Variants in RANBP17 observed in about 807,000 individuals in gnomAD.
RANBP17 encodes the protein ran-binding protein 17.
A neutral mutation model predicts 141.2 loss-of-function variants in RANBP17; 158 were observed. The observed-to-expected ratio is 1.12, with a 90% confidence interval of 0.98 to 1.28. RANBP17 has a LOEUF of 1.28. RANBP17 is among the 50% of genes most tolerant of loss of function. The pLI is 0.00. For synonymous variants in RANBP17, 430 were observed against 450.0 expected (o/e 0.96, Z 0.56); for missense variants, 1,438 against 1,290.7 (o/e 1.11, Z -1.75).
chr5:170,882,658 CTCTCTGGTGTTT>C (rs914043546), intron 3 of RANBP17, among the ~76,000 whole-genome samples: 8 of 152,244 alleles, frequency 5.3e-5, no homozygotes, highest in Admixed American at 4.6e-4. Flanking sequence ...CAGAATTCAG[CTCTCTGGTGTTT>C]TTCAGGATGC....
intron 14 of RANBP17, among the ~76,000 whole-genome samples, chr5:171,074,947 C>T (rs1784827855): frequency 6.6e-6 from 1 of 152,140 alleles, no homozygotes; most frequent in Admixed American, 6.5e-5. Flanking sequence ...CTGTCTCAAT[C>T]CATGTTAGGT....
chr5:170,953,571 C>T (rs748751244), intron 12 of RANBP17, 26 bp from the exon 13 acceptor site: 2 of 1,507,020 alleles, frequency 1.3e-6, no homozygotes, highest in East Asian at 2.3e-5. Context: ...ACTTACTAAA[C>T]TTTTTTCTTC....
At chr5:171,271,218 CTCAA>C (rs1054966452) in intron 25 of RANBP17, 3 of 197,104 alleles carry the variant, frequency 1.5e-5, no homozygotes, top group Admixed American at 6.2e-5. Context: ...CACCCTTTTC[CTCAA>C]TCAGTCAGTC....
chr5:171,202,247 A>G (rs1322375247), intron 19 of RANBP17, among the ~76,000 whole-genome samples: 1 of 152,216 alleles, frequency 6.6e-6, no homozygotes, highest in African/African-American at 2.4e-5. Flanking sequence ...GGAAAAGGAA[A>G]AAATACTCTG....
intron 13 of RANBP17, among the ~76,000 whole-genome samples, chr5:170,966,072 G>A (rs551339959): frequency 6.6e-6 from 1 of 152,072 alleles, no homozygotes; most frequent in African/African-American, 2.4e-5. Flanking sequence ...ACCAAAAAGA[G>A]TCCAGGACCA....
intron 14 of RANBP17, among the ~76,000 whole-genome samples, chr5:171,076,086 C>T (rs1784902077): frequency 6.6e-6 from 1 of 152,182 alleles, no homozygotes; most frequent in Non-Finnish European, 1.5e-5. Context: ...ATATTTACTG[C>T]AGCACTGCTT....
intron 25 of RANBP17, chr5:171,284,501 T>C (rs1768038873): frequency 6.6e-6 from 1 of 151,928 alleles, no homozygotes; most frequent in African/African-American, 2.4e-5. Context: ...ATTTTTGTAT[T>C]TTTTTGTAAA....
chr5:171,123,856 C>G (rs1019707565), intron 14 of RANBP17, among the ~76,000 whole-genome samples: 1 of 152,220 alleles, frequency 6.6e-6, no homozygotes, highest in African/African-American at 2.4e-5. Context: ...CCAAAGCACT[C>G]TACTTAACCA....
rs148467828 is a variant in RANBP17, at chr5:171,021,380, C to G, written c.1710+53003C>G. Among the ~76,000 whole-genome samples, 439 of 152,258 alleles carry G rather than the reference C, an allele frequency of 2.9e-3. 1 individual carries two copies. The highest frequency in any genetic ancestry group is 0.01 in the African/African-American group (426 of 41,558). On this transcript the variant is annotated intron_variant, in intron 14 of 27. Coordinates refer to ENST00000523189, the MANE Select transcript of RANBP17 (RefSeq NM_022897.5). The stretch of plus-strand genomic sequence containing the variant: ...CTGAAGTGTGTTTTCCAACTTGGTT[C>G]CATTCTCTCTGTCACTTTCAGGTAC...
At chr5:171,036,522 T>C (rs1561578968) in intron 14 of RANBP17, among the ~76,000 whole-genome samples, 1 of 152,206 alleles carries the variant, frequency 6.6e-6, no homozygotes, top group Non-Finnish European at 1.5e-5. Context: ...TGCATGATGC[T>C]GAGGTTTGGA....
intron 14 of RANBP17, among the ~76,000 whole-genome samples, chr5:171,021,674 C>G (rs1780865972): frequency 6.6e-6 from 1 of 152,144 alleles, no homozygotes; most frequent in African/African-American, 2.4e-5. Context: ...CTCCTCTAAC[C>G]TTTTATCATG....
At chr5:170,948,702 A>G (rs552626858) in intron 12 of RANBP17, among the ~76,000 whole-genome samples, 1 of 152,306 alleles carries the variant, frequency 6.6e-6, no homozygotes, top group Admixed American at 6.5e-5. Context: ...GGATTGACAA[A>G]CTGTTCCTAA....
chr5:171,144,447 T>C (rs1757906875), intron 14 of RANBP17, among the ~76,000 whole-genome samples: 1 of 152,170 alleles, frequency 6.6e-6, no homozygotes, highest in African/African-American at 2.4e-5. Context: ...AGAGATGTGA[T>C]TGATCATTTA....
At chr5:170,944,920 C>T (rs1478597423) in intron 12 of RANBP17, among the ~76,000 whole-genome samples, 1 of 152,162 alleles carries the variant, frequency 6.6e-6, no homozygotes, top group Non-Finnish European at 1.5e-5. Context: ...TGTTTTTAAA[C>T]AATGGTGCTC....
chr5:171,001,407 G>A (rs1005190189), intron 14 of RANBP17, among the ~76,000 whole-genome samples: 13 of 152,272 alleles, frequency 8.5e-5, no homozygotes, highest in East Asian at 7.7e-4. Context: ...ATTAGAGAGC[G>A]TCCAAGGGGG....
chr5:171,275,782 T>C (rs930411546), intron 25 of RANBP17, among the ~76,000 whole-genome samples: 1 of 152,156 alleles, frequency 6.6e-6, no homozygotes, highest in African/African-American at 2.4e-5. Flanking sequence ...AGGGTTTTTT[T>C]GTTGTTGTTT....
intron 18 of RANBP17, among the ~76,000 whole-genome samples, chr5:171,196,341 A>C (rs139067245): frequency 1.5e-4 from 23 of 152,292 alleles, no homozygotes; most frequent in African/African-American, 5.5e-4. Context: ...TGCTCCTGCT[A>C]TCCTTGTTTG....
chr5:170,887,175 C>T (rs1348584718), intron 3 of RANBP17, among the ~76,000 whole-genome samples: 3 of 152,094 alleles, frequency 2.0e-5, no homozygotes, highest in African/African-American at 7.2e-5. Context: ...GTTCTTTGTG[C>T]AGTTTGGAAA....
At chr5:171,134,662 TAAA>T (rs2127795621) in intron 14 of RANBP17, among the ~76,000 whole-genome samples, 1 of 152,290 alleles carries the variant, frequency 6.6e-6, no homozygotes. Flanking sequence ...TTTTGAATAT[TAAA>T]TTATAAAATA....
Sources: gnomAD v4.1 joint callset for allele counts (sites outside exome capture counted in the v4.1 genomes callset) on GRCh38, gnomAD v4.1.1 for gene constraint, MANE v1.5 for transcripts, NCBI Gene and HGNC (gene_info 2026-07-23, HGNC 2026-07-21) for gene names.